Variants in HEPACAM2 observed in about 807,000 individuals in gnomAD.
The protein encoded by HEPACAM2 is HEPACAM family member 2, also known as mitotic kinetics regulator.
In HEPACAM2, 49 loss-of-function variants were observed where a neutral mutation model predicts 49.6. The ratio of observed to expected loss-of-function variants is 0.99; its 90% CI spans 0.78 to 1.25. The LOEUF is 1.25. HEPACAM2 is among the 50% of genes most tolerant of loss of function. The pLI is 0.00. For synonymous variants in HEPACAM2, 197 were observed against 202.9 expected (o/e 0.97, Z 0.25); for missense variants, 525 against 557.2 (o/e 0.94, Z 0.58).
upstream of HEPACAM2, among the ~76,000 whole-genome samples, chr7:93,226,869 G>T (rs951503405): frequency 2.6e-5 from 4 of 152,028 alleles, no homozygotes; most frequent in African/African-American, 9.7e-5. Context: ...AAAATTATAT[G>T]AAAATTGAAG....
chr7:93,201,615 TAAC>T (rs1793884900), intron 4 of HEPACAM2, among the ~76,000 whole-genome samples: 1 of 152,096 alleles, frequency 6.6e-6, no homozygotes, highest in Admixed American at 6.6e-5. Context: ...TAGCAATGTC[TAAC>T]AACAATTCCA....
chr7:93,222,963 T>C (rs1472950356), intron 1 of HEPACAM2, among the ~76,000 whole-genome samples: 1 of 152,190 alleles, frequency 6.6e-6, no homozygotes, highest in African/African-American at 2.4e-5. Flanking sequence ...CTGTGTTTTT[T>C]ACAAAGAAAT....
chr7:93,216,237 A>G (rs1348600354), intron 2 of HEPACAM2, among the ~76,000 whole-genome samples: 1 of 152,220 alleles, frequency 6.6e-6, no homozygotes, highest in East Asian at 1.9e-4. Context: ...TCATGAAGCA[A>G]TTATAAACTT....
chr7:93,224,675 T>G (rs759442182), intron 1 of HEPACAM2, among the ~76,000 whole-genome samples: 7 of 152,194 alleles, frequency 4.6e-5, no homozygotes, highest in Non-Finnish European at 8.8e-5. Flanking sequence ...CCGGTTTCAT[T>G]GTATTGAATA....
At chr7:93,222,879 A>C (rs1024363682) in intron 1 of HEPACAM2, among the ~76,000 whole-genome samples, 3 of 152,184 alleles carry the variant, frequency 2.0e-5, no homozygotes, top group African/African-American at 7.2e-5. Context: ...AATAATTTTG[A>C]AGAATTGAGT....
At chr7:93,222,046 G>GTAGGAGAGAGAAAGAAAGA (rs1794461054) in intron 1 of HEPACAM2, among the ~76,000 whole-genome samples, 1 of 152,156 alleles carries the variant, frequency 6.6e-6, no homozygotes, top group South Asian at 2.1e-4. Flanking sequence ...CAAGGAAATA[G>GTAGGAGAGAGAAAGAAAGA]TAGGAGAGAG....
the HEPACAM2 span, chr7:93,232,218 T>G: frequency 1.1e-5 from 5 of 473,534 alleles, no homozygotes; most frequent in Admixed American, 1.8e-4. Flanking sequence ...TTTACCGGCT[T>G]AACTGAAGCA....
At chr7:93,197,151 T>C in intron 7 of HEPACAM2, 90 bp downstream of exon 7, 1 of 850,786 alleles carries the variant, frequency 1.2e-6, no homozygotes, top group Non-Finnish European at 1.6e-6. Flanking sequence ...CTCATATTAA[T>C]TATATTACAT....
chr7:93,194,921 C>CATTTTTTTTTTTTT (rs1793649088), intron 8 of HEPACAM2, among the ~76,000 whole-genome samples: 1 of 118,176 alleles, frequency 8.5e-6, no homozygotes, highest in African/African-American at 3.4e-5. Context: ...TTTAAAAGAT[C>CATTTTTTTTTTTTT]TTTTTTTTTT....
upstream of HEPACAM2, among the ~76,000 whole-genome samples, chr7:93,228,044 C>T (rs1794569444): frequency 6.6e-6 from 1 of 152,170 alleles, no homozygotes; most frequent in Non-Finnish European, 1.5e-5. Flanking sequence ...ACAGATATCA[C>T]ATAGGTTCCC....
upstream of HEPACAM2, among the ~76,000 whole-genome samples, chr7:93,226,683 T>C (rs1466722734): frequency 6.6e-6 from 1 of 152,200 alleles, no homozygotes; most frequent in Non-Finnish European, 1.5e-5. Context: ...ATTGTCTATA[T>C]ATTTCATAAA....
intron 4 of HEPACAM2, among the ~76,000 whole-genome samples, chr7:93,204,699 G>T (rs983206584): frequency 6.6e-6 from 1 of 152,060 alleles, no homozygotes; most frequent in South Asian, 2.1e-4. Flanking sequence ...GCATTAAATT[G>T]GATAGGTGAT....
intron 4 of HEPACAM2, among the ~76,000 whole-genome samples, chr7:93,200,514 AATTGAATGAATACATAC>A (rs1276225397): frequency 6.6e-6 from 1 of 152,166 alleles, no homozygotes; most frequent in African/African-American, 2.4e-5. Context: ...CACTGAAATA[AATTGAATGAATACATAC>A]ATTGAATAAA....
At chr7:93,215,018 A>G (rs1794266211) in intron 3 of HEPACAM2, among the ~76,000 whole-genome samples, 1 of 152,212 alleles carries the variant, frequency 6.6e-6, no homozygotes, top group South Asian at 2.1e-4. Flanking sequence ...TGTTAAATTC[A>G]GGAATGGTAA....
intron 4 of HEPACAM2, among the ~76,000 whole-genome samples, chr7:93,199,234 T>G (rs1793817091): frequency 6.6e-6 from 1 of 152,130 alleles, no homozygotes; most frequent in Admixed American, 6.6e-5. Flanking sequence ...GATTTTAAAT[T>G]AAACTCTTTC....
chr7:93,215,157 A>G (rs1210695793), intron 3 of HEPACAM2, among the ~76,000 whole-genome samples: 1 of 152,188 alleles, frequency 6.6e-6, no homozygotes, highest in East Asian at 1.9e-4. Flanking sequence ...AATAGACTGA[A>G]TCACGAAATA....
At chr7:93,213,609 G>A (rs936536292) in intron 3 of HEPACAM2, among the ~76,000 whole-genome samples, 2 of 152,076 alleles carry the variant, frequency 1.3e-5, no homozygotes, top group Non-Finnish European at 2.9e-5. Context: ...TTTTAGTTAA[G>A]TTCAAGAAAC....
intron 4 of HEPACAM2, among the ~76,000 whole-genome samples, chr7:93,201,849 A>C (rs1487641142): frequency 6.6e-6 from 1 of 152,072 alleles, no homozygotes; most frequent in African/African-American, 2.4e-5. Flanking sequence ...TGTTCTTTAC[A>C]TAACTGGATT....
At chr7:93,225,614 G>A (rs1794523981) in intron 1 of HEPACAM2, among the ~76,000 whole-genome samples, 1 of 152,014 alleles carries the variant, frequency 6.6e-6, no homozygotes, top group Non-Finnish European at 1.5e-5. Flanking sequence ...AAATTGATTT[G>A]ACTTTTAAAA....
Sources: allele counts gnomAD v4.1 joint callset (sites outside exome capture counted in the v4.1 genomes callset), GRCh38; gene constraint gnomAD v4.1.1; transcripts MANE v1.5; gene names NCBI Gene and HGNC (gene_info 2026-07-23, HGNC 2026-07-21).